ABCA12: variants seen among roughly 807,000 people sequenced by gnomAD.
The protein encoded by ABCA12 is glucosylceramide transporter ABCA12.
Under a neutral mutation model 293.5 loss-of-function variants are expected in ABCA12, and 156 were observed. That is an observed-to-expected ratio of 0.53 (90% CI 0.47 to 0.61). ABCA12 has a LOEUF of 0.61. ABCA12 is among the 20% of genes least tolerant of loss of function. The pLI is 0.00. For missense variants in ABCA12, 2,797 were observed against 3,090.2 expected, an observed-to-expected ratio of 0.91 and a Z score of 2.25; for synonymous variants, 1,063 against 1,108.0, an observed-to-expected ratio of 0.96 and a Z score of 0.81.
chr2:214,944,925 G>T, intron 49 of ABCA12, 76 bp downstream of exon 49: 1 of 1,089,436 alleles, frequency 9.2e-7, no homozygotes, highest in Non-Finnish European at 1.4e-6. Flanking sequence ...ATTTATTTAT[G>T]TTATACAGGA....
At chr2:215,067,065 TA>T (rs959569441) in intron 2 of ABCA12, among the ~76,000 whole-genome samples, 35 of 152,052 alleles carry the variant, frequency 2.3e-4, no homozygotes, top group Non-Finnish European at 3.8e-4. Flanking sequence ...AGCTTTCTTG[TA>T]AAAAAAATGA....
chr2:215,124,444 C>T lies in ABCA12; in HGVS notation c.70-12754G>A, dbSNP rs1702879002. On this transcript the variant is annotated intron_variant, in intron 1 of 52. Transcript: ENST00000272895. Reference sequence around the variant, plus strand: ...TTCCCACCAACAGTGTAGAAGTGTTCCCTGTTCACCTCATCCATGCCAATG... The same window carrying T: ...TTCCCACCAACAGTGTAGAAGTGTTTCCTGTTCACCTCATCCATGCCAATG... 3.3e-5 allele frequency among the ~76,000 whole-genome samples: 5 copies of T among 152,270 alleles called. 1 individual carries two copies. Among genetic ancestry groups the T allele is most frequent in the Middle Eastern group, 6.8e-3 (2 of 294 alleles).
intron 39 of ABCA12, among the ~76,000 whole-genome samples, chr2:214,964,119 C>T (rs149948217): frequency 0.011 from 1,692 of 152,128 alleles, 11 homozygotes; most frequent in Middle Eastern, 0.024. Context: ...ATAAACAGAA[C>T]TAAAGACAAA....
chr2:214,989,849 A>G (rs1053238083), intron 24 of ABCA12, among the ~76,000 whole-genome samples: 5 of 152,342 alleles, frequency 3.3e-5, no homozygotes, highest in East Asian at 1.9e-4. Flanking sequence ...CTTGAAAACC[A>G]TTCCTTAAAA....
chr2:215,098,864 G>A (rs1453276281), intron 2 of ABCA12, among the ~76,000 whole-genome samples: 1 of 152,230 alleles, frequency 6.6e-6, no homozygotes, highest in Non-Finnish European at 1.5e-5. Context: ...CTAGGTACTA[G>A]GAATTCAGTG....
At chr2:214,932,778 G>C (rs112144749) in intron 52 of ABCA12, 37 bp from the exon 53 acceptor site, 26 of 1,437,168 alleles carry the variant, frequency 1.8e-5, no homozygotes, top group African/African-American at 1.7e-4. Context: ...TTAATGCCTG[G>C]TAAGCCAAAG....
chr2:215,001,626 G>A lies in ABCA12; in HGVS notation c.2795C>T (p.Ala932Val). 1 of 1,613,810 alleles carries A rather than the reference G, an allele frequency of 6.2e-7. No homozygotes were observed. The highest frequency in any genetic ancestry group is 1.3e-5 in the African/African-American group (1 of 75,012). The change falls in exon 21 of 53, where the codon GCA (alanine) becomes GTA (valine). Residue 932 changes from alanine to valine, a missense_variant. Physicochemically the swap from Ala to Val is moderately conservative, Grantham distance 64 (BLOSUM62 0). Coordinates refer to ENST00000272895, the MANE Select transcript of ABCA12 (RefSeq NM_173076.3). ...CTCCATTTCATCTATGGTTTTTGCTGCCTGAATACGGTCATATAATACACA... is the reference window on the plus strand; with the variant it reads ...CTCCATTTCATCTATGGTTTTTGCTACCTGAATACGGTCATATAATACACA... ...SSCVLYDRIQ[A>V]AKTIDEMERE... is the part of the protein sequence containing the mutation.
At chr2:215,033,722 A>G (rs1307959724) in intron 8 of ABCA12, among the ~76,000 whole-genome samples, 1 of 152,112 alleles carries the variant, frequency 6.6e-6, no homozygotes, top group Non-Finnish European at 1.5e-5. Context: ...TGGGCACATC[A>G]CGAGGTCAGG....
intron 3 of ABCA12, among the ~76,000 whole-genome samples, chr2:215,062,561 G>T (rs545741025): frequency 6.6e-6 from 1 of 151,948 alleles, no homozygotes; most frequent in Non-Finnish European, 1.5e-5. Flanking sequence ...GGTCTCTGAG[G>T]TTCCTTTTCT....
chr2:215,046,381 C>T (rs10167665), intron 6 of ABCA12, among the ~76,000 whole-genome samples: 21,627 of 149,092 alleles, frequency 0.15, 4,706 homozygotes, highest in African/African-American at 0.47. Context: ...ATATATCTTC[C>T]CTATACTTAT....
chr2:214,996,899 C>T (rs139789513), intron 23 of ABCA12, among the ~76,000 whole-genome samples: 54 of 152,200 alleles, frequency 3.5e-4, no homozygotes, highest in Non-Finnish European at 7.2e-4. Flanking sequence ...AATTATTGTG[C>T]CCCAGTTTTG....
chr2:215,034,552 G>C (rs1575000322), intron 8 of ABCA12, among the ~76,000 whole-genome samples: 1 of 152,186 alleles, frequency 6.6e-6, no homozygotes, highest in Non-Finnish European at 1.5e-5. Flanking sequence ...GCATGTCCCA[G>C]TGAGATACCT....
At chr2:214,991,852 C>G (rs1330644019) in intron 23 of ABCA12, among the ~76,000 whole-genome samples, 1 of 152,008 alleles carries the variant, frequency 6.6e-6, no homozygotes, top group Non-Finnish European at 1.5e-5. Context: ...ATTTAAAGTC[C>G]CCTGGGAACA....
In ABCA12 at chr2:215,007,765, A is replaced by G. The variant is rs765112462; in HGVS notation, c.2554T>C (p.Ser852Pro). ...WMDKSPLFMN[S>P]FHLLNQAIPM... ...ATTGCCTGGTTTAACAGATGGAAGGAATTCATGAAAAGTGGCGACTTATCC... is the reference window on the plus strand; with the variant it reads ...ATTGCCTGGTTTAACAGATGGAAGGGATTCATGAAAAGTGGCGACTTATCC... The change falls in exon 19 of 53, where the codon TCC becomes CCC. Residue 852 changes from serine to proline, a missense_variant. Transcript: ENST00000272895. 24 of 1,614,078 alleles carry G rather than the reference A, an allele frequency of 1.5e-5. No homozygotes were observed. In the East Asian group the frequency reaches 5.4e-4, roughly 36 times the overall value.
At chr2:215,025,854 T>A in intron 10 of ABCA12, 75 bp from the exon 11 acceptor site, 1 of 952,110 alleles carries the variant, frequency 1.1e-6, no homozygotes, top group Non-Finnish European at 1.7e-6. Flanking sequence ...AAGACACCTC[T>A]ATCCTGACTT....
intron 32 of ABCA12, 145 bp downstream of exon 32, chr2:214,978,659 C>T: frequency 4.7e-6 from 5 of 1,066,812 alleles, no homozygotes; most frequent in African/African-American, 1.6e-5. Context: ...CTCAGTCTTA[C>T]ATAAGAATAG....
At chr2:214,993,808 T>C (rs1699977654) in intron 23 of ABCA12, among the ~76,000 whole-genome samples, 20 of 152,276 alleles carry the variant, frequency 1.3e-4, no homozygotes, top group Admixed American at 1.2e-3. Flanking sequence ...AATTGATAGC[T>C]TTCTAGAAAT....
chr2:215,101,864 C>T, intron 2 of ABCA12, among the ~76,000 whole-genome samples: 1 of 152,168 alleles, frequency 6.6e-6, no homozygotes. Flanking sequence ...TTCTCTTGGG[C>T]AATCAAGAGA....
rs532295997 is a variant in ABCA12 at position 215,112,218 on chromosome 2, T to C, written c.70-528A>G. Among the ~76,000 whole-genome samples the C allele has an allele frequency of 1.0e-3, 155 of 152,162 alleles. 2 individuals are homozygous for C. The South Asian group carries it at 0.03, about 29-fold the overall frequency. ...TAAGAATGAACCAAAAAAGAAATAA[T>C]TGAGTCAATGAGTGAAGAAGTAAAA... On this transcript the variant is annotated intron_variant, in intron 1 of 52. Transcript: ENST00000272895.
Sources: gnomAD v4.1 joint callset for allele counts (sites outside exome capture counted in the v4.1 genomes callset) on GRCh38, gnomAD v4.1.1 for gene constraint, MANE v1.5 for transcripts, NCBI Gene and HGNC (gene_info 2026-07-23, HGNC 2026-07-21) for gene names.